Variants in PDZD2 observed in about 807,000 individuals in gnomAD.
PDZD2 encodes the protein PDZ domain-containing protein 2.
PDZD2 carries 90 observed loss-of-function variants against 220.7 expected under a neutral mutation model. That is an observed-to-expected ratio of 0.41 (90% CI 0.34 to 0.49). The LOEUF (loss-of-function observed/expected upper bound fraction) is 0.49. Ranked by LOEUF, PDZD2 falls within the 20% of genes least tolerant of loss-of-function variation. The probability of loss-of-function intolerance (pLI) is 0.28; values close to 1 mark genes in which losing one functional copy is unlikely to be tolerated. For synonymous variants in PDZD2, 1,375 were observed against 1,450.5 expected, an observed-to-expected ratio of 0.95 and a Z score of 1.18; for missense variants, 3,174 against 3,608.5, an observed-to-expected ratio of 0.88 and a Z score of 3.08.
intron 2 of PDZD2, among the ~76,000 whole-genome samples, chr5:31,932,368 G>A (rs191686780): frequency 6.6e-6 from 1 of 152,218 alleles, no homozygotes; most frequent in Non-Finnish European, 1.5e-5. Flanking sequence ...GGCCAACATG[G>A]TGAAACTCCG....
chr5:31,749,108 T>C (rs1275937972), intron 1 of PDZD2, among the ~76,000 whole-genome samples: 1 of 152,220 alleles, frequency 6.6e-6, no homozygotes, highest in African/African-American at 2.4e-5. Flanking sequence ...TTAATTTGTA[T>C]TCACTTCTTA....
chr5:31,729,581 T>C (rs1749393466), intron 1 of PDZD2, among the ~76,000 whole-genome samples: 1 of 152,216 alleles, frequency 6.6e-6, no homozygotes, highest in African/African-American at 2.4e-5. Flanking sequence ...GCCTTTTTTC[T>C]ACTACCCTGG....
At chr5:31,701,452 C>T (rs947974987) in intron 1 of PDZD2, among the ~76,000 whole-genome samples, 11 of 152,164 alleles carry the variant, frequency 7.2e-5, no homozygotes, top group African/African-American at 2.7e-4. Flanking sequence ...CTCAGCCTCC[C>T]AAAGTGCTCG....
At chr5:31,990,984 G>T (rs1447263610) in intron 3 of PDZD2, among the ~76,000 whole-genome samples, 2 of 152,198 alleles carry the variant, frequency 1.3e-5, no homozygotes, top group Non-Finnish European at 2.9e-5. Context: ...ATCCGGGGCA[G>T]AATGTTCCCA....
At chr5:31,927,510 A>G (rs1241510086) in intron 2 of PDZD2, among the ~76,000 whole-genome samples, 2 of 152,052 alleles carry the variant, frequency 1.3e-5, no homozygotes, top group African/African-American at 2.4e-5. Context: ...CAGCCTCCCG[A>G]GTAGCTGGGA....
intron 3 of PDZD2, among the ~76,000 whole-genome samples, chr5:31,984,507 G>A (rs908176616): frequency 6.6e-6 from 1 of 152,128 alleles, no homozygotes; most frequent in African/African-American, 2.4e-5. Context: ...TGCCCCTTAG[G>A]GATGAAAGAG....
At chr5:31,838,757 GCA>G (rs1360852150) in intron 2 of PDZD2, among the ~76,000 whole-genome samples, 1 of 152,208 alleles carries the variant, frequency 6.6e-6, no homozygotes, top group East Asian at 1.9e-4. Context: ...TCACGTTATA[GCA>G]CAGTCAGGGC....
At chr5:32,056,069 G>A (rs1048708802) in intron 10 of PDZD2, among the ~76,000 whole-genome samples, 4 of 152,212 alleles carry the variant, frequency 2.6e-5, no homozygotes, top group Admixed American at 2.0e-4. Flanking sequence ...AACCTGTTGA[G>A]TGATACTTCT....
Position 32,043,376 on chromosome 5 carries a change from C to T in PDZD2, c.1520-5163C>T, listed in dbSNP as rs559611874. Reference sequence around the variant, plus strand: ...ATGCAGGAATCCAGCAGAACAGGGTCGGTTCCCACATCCACCACCTCTGGT... The same window carrying T: ...ATGCAGGAATCCAGCAGAACAGGGTTGGTTCCCACATCCACCACCTCTGGT... On this transcript the variant is annotated intron_variant, in intron 7 of 24. Transcript: ENST00000438447. Among the ~76,000 whole-genome samples, 3 of 152,354 alleles carry T rather than the reference C, an allele frequency of 2.0e-5. No individual in the cohort carries two copies. In the South Asian group the frequency reaches 6.2e-4, roughly 32 times the overall value.
Position 31,941,715 on chromosome 5 carries a change from A to G in PDZD2, c.477-41440A>G, listed in dbSNP as rs945966032. ...GTGATGAAAATCCTGCTGTTTTCAT[A>G]CTGCTGAGACATTAGATGCTCTTAT... On this transcript the variant is annotated intron_variant, in intron 2 of 24. Coordinates refer to ENST00000438447, the MANE Select transcript of PDZD2 (RefSeq NM_178140.4). Among the ~76,000 whole-genome samples, 16 of 152,248 alleles carry G rather than the reference A, an allele frequency of 1.1e-4. 1 individual carries two copies. The highest frequency in any genetic ancestry group is 9.2e-4 in the Admixed American group (14 of 15,284).
intron 2 of PDZD2, among the ~76,000 whole-genome samples, chr5:31,954,926 G>C (rs1044820203): frequency 8.5e-5 from 13 of 152,146 alleles, no homozygotes; most frequent in African/African-American, 2.9e-4. Flanking sequence ...GACAGAGAGA[G>C]ACTCTGTCTC....
At position 31,641,270 on chromosome 5, in the gene PDZD2, C is replaced by T. The variant is rs532271226; in HGVS notation, c.-361+1833C>T. On this transcript the variant is annotated intron_variant, in intron 1 of 24. Transcript: ENST00000438447. Reference sequence around the variant, plus strand: ...CAGTGCACATGCTGCATGTAGTAGACGCCATGTGTTTATTGGATGAAGGAG... The same window carrying T: ...CAGTGCACATGCTGCATGTAGTAGATGCCATGTGTTTATTGGATGAAGGAG... Among the ~76,000 whole-genome samples the T allele has an allele frequency of 4.0e-4, 61 of 152,190 alleles. 1 individual carries two copies. The highest frequency in any genetic ancestry group is 7.9e-4 in the Admixed American group (12 of 15,282).
intron 1 of PDZD2, among the ~76,000 whole-genome samples, chr5:31,654,921 G>A (rs1745488727): frequency 6.6e-6 from 1 of 152,058 alleles, no homozygotes; most frequent in Admixed American, 6.5e-5. Flanking sequence ...CAGACCCTTG[G>A]TGGGTTCTCC....
At chr5:32,046,068 T>C (rs1737921918) in intron 7 of PDZD2, among the ~76,000 whole-genome samples, 1 of 152,190 alleles carries the variant, frequency 6.6e-6, no homozygotes, top group African/African-American at 2.4e-5. Context: ...TGTATATACA[T>C]GTACACACGC....
At chr5:31,811,784 G>T (rs1471805113) in intron 2 of PDZD2, among the ~76,000 whole-genome samples, 2 of 152,056 alleles carry the variant, frequency 1.3e-5, no homozygotes, top group Admixed American at 6.6e-5. Flanking sequence ...GAGGTCAGGA[G>T]TTGGAGACCA....
chr5:31,831,656 G>A (rs900451524), intron 2 of PDZD2, among the ~76,000 whole-genome samples: 15 of 151,970 alleles, frequency 9.9e-5, no homozygotes, highest in African/African-American at 3.6e-4. Context: ...GCTGAGGCAG[G>A]AGAATTGCTT....
intron 6 of PDZD2, among the ~76,000 whole-genome samples, chr5:32,027,059 C>T (rs1010091885): frequency 5.3e-5 from 8 of 152,132 alleles, no homozygotes; most frequent in African/African-American, 1.9e-4. Flanking sequence ...TGTGCCACCA[C>T]GCCCGGCTGA....
intron 1 of PDZD2, among the ~76,000 whole-genome samples, chr5:31,663,221 T>A (rs567817743): frequency 6.6e-6 from 1 of 152,316 alleles, no homozygotes; most frequent in South Asian, 2.1e-4. Flanking sequence ...GCATGAAAAA[T>A]TCAGTTTCCC....
intron 1 of PDZD2, among the ~76,000 whole-genome samples, chr5:31,717,506 A>G (rs1395023209): frequency 6.6e-6 from 1 of 151,868 alleles, no homozygotes; most frequent in Non-Finnish European, 1.5e-5. Flanking sequence ...TTAAGCCAGA[A>G]CTTGAGTGAC....
Sources: allele counts gnomAD v4.1 joint callset (sites outside exome capture counted in the v4.1 genomes callset), GRCh38; gene constraint gnomAD v4.1.1; transcripts MANE v1.5; gene names NCBI Gene and HGNC (gene_info 2026-07-23, HGNC 2026-07-21).